The following C1orf167 variants were observed in gnomAD, a reference collection of about 807,000 sequenced individuals.
C1orf167 encodes chromosome 1 open reading frame 167, also known as uncharacterized protein C1orf167.
In C1orf167, 153 loss-of-function variants were observed where a neutral mutation model predicts 176.5. The ratio of observed to expected loss-of-function variants is 0.87; its 90% CI spans 0.76 to 0.99. The LOEUF (loss-of-function observed/expected upper bound fraction) is 0.99. Ranked by LOEUF, C1orf167 falls within the 50% of genes least tolerant of loss-of-function variation. C1orf167 has a pLI of 0.00. For missense variants in C1orf167, 1,490 were observed against 1,817.7 expected (o/e 0.82, Z 3.28); for synonymous variants, 594 against 752.7 (o/e 0.79, Z 3.45).
At chr1:11,765,022 C>G (rs1340217651) in intron 2 of C1orf167, among the ~76,000 whole-genome samples, 1 of 120,932 alleles carries the variant, frequency 8.3e-6, no homozygotes, top group East Asian at 2.7e-4. Context: ...CCACTGTGCT[C>G]TAGCCTGAGC....
chr1:11,766,484 C>A lies in C1orf167; in HGVS notation c.698C>A (p.Ser233Tyr), dbSNP rs972119766. ...VPSQNQTQAP[S>Y]RAAVHQLLAS... ...AGTCAGAACCAGACTCAGGCCCCAT[C>A]CCGTGCTGCCGTCCACCAGCTGCTG... Residue 233 changes from serine (S) to tyrosine (Y), a missense_variant, in exon 3 of 21, where the codon TCC becomes TAC. Transcript: ENST00000688073. This position sits in a 1 kb window ranked among gnomAD's most constrained non-coding sequence, Gnocchi z 4.5. The A allele has an allele frequency of 2.0e-5, 26 of 1,285,014 alleles. No individual in the cohort carries two copies. Among genetic ancestry groups the A allele is most frequent in the Non-Finnish European group, 2.6e-5 (26 of 986,400 alleles). 79.6% of individuals were successfully genotyped at this position (1,285,014 alleles called of 1,614,324 possible).
In C1orf167 at chr1:11,766,590, G is replaced by A; in HGVS notation, c.804G>A (p.Gln268=). 3.9e-6 allele frequency: 5 copies of A among 1,270,218 alleles called. No homozygotes were observed. Among genetic ancestry groups the A allele is most frequent in the Non-Finnish European group, 5.1e-6 (5 of 978,842 alleles). 78.7% of individuals were successfully genotyped at this position (1,270,218 alleles called of 1,614,324 possible). ...AGGAACCCCCCGGTGCTGTGCAGCA[G>A]GACCTCTGGACCGGCGGCGGCCAGC... ...APQEPPGAVQ[Q]DLWTGGGQPF... is the part of the protein sequence containing the mutation. The change falls in exon 3 of 21, where the codon CAG becomes CAA. Residue 268 remains glutamine, a synonymous_variant. Coordinates refer to ENST00000688073, the MANE Select transcript of C1orf167 (RefSeq NM_001010881.2). This position sits in a 1 kb window ranked among gnomAD's most constrained non-coding sequence, Gnocchi z 4.5.
chr1:11,779,785 G>A lies in C1orf167; in HGVS notation c.2652-17G>A, dbSNP rs1323000268. The stretch of plus-strand genomic sequence containing the variant: ...GGGGACAGTGGCCATCCTCAGGGTG[G>A]ACCCTCCCTTTCCCAGCATCTTCCT... On this transcript the variant is annotated splice_polypyrimidine_tract_variant and intron_variant, in intron 12 of 20. Transcript: ENST00000688073. The A allele has an allele frequency of 3.1e-6, 4 of 1,291,312 alleles. No individual in the cohort carries two copies. Among genetic ancestry groups the A allele is most frequent in the Non-Finnish European group, 4.1e-6 (4 of 980,792 alleles). The allele number at this position is 1,291,312 out of a possible 1,614,324, so 80.0% of individuals were successfully genotyped here.
chr1:11,773,650 G>A (rs554522650), intron 8 of C1orf167, among the ~76,000 whole-genome samples: 1 of 152,274 alleles, frequency 6.6e-6, no homozygotes, highest in Admixed American at 6.5e-5. Flanking sequence ...AGAGGTTGCA[G>A]TGAGCCGAGA....
chr1:11,769,543 G>C (rs1322812688), intron 6 of C1orf167, among the ~76,000 whole-genome samples: 1 of 151,774 alleles, frequency 6.6e-6, no homozygotes, highest in Non-Finnish European at 1.5e-5. Flanking sequence ...ACTCCAGCCT[G>C]GGCAACAGGT....
chr1:11,774,601 C>A (rs968973122), intron 8 of C1orf167, among the ~76,000 whole-genome samples: 1 of 151,998 alleles, frequency 6.6e-6, no homozygotes, highest in African/African-American at 2.4e-5. Flanking sequence ...AGGCCTCTGG[C>A]CGGGAGTGTA....
Position 11,785,242 on chromosome 1 carries a change from C to T in C1orf167, c.3520C>T (p.Arg1174Trp), listed in dbSNP as rs548412009. ...GCCGGCTGAGCTCAGGCGCTTCCTGCGGACAGTGCAGCTCAGGGTGCGGCT... is the reference window on the plus strand; with the variant it reads ...GCCGGCTGAGCTCAGGCGCTTCCTGTGGACAGTGCAGCTCAGGGTGCGGCT... Reference protein sequence around the residue: ...LRPAELRRFLRTVQLRVRLGL... With the variant: ...LRPAELRRFLWTVQLRVRLGL... Residue 1174 changes from arginine to tryptophan, a missense_variant, in exon 16 of 21, where the codon CGG (arginine) becomes TGG (tryptophan). Coordinates refer to ENST00000688073, the MANE Select transcript of C1orf167 (RefSeq NM_001010881.2). The T allele has an allele frequency of 7.0e-5, 90 of 1,291,432 alleles. No homozygotes were observed. The African/African-American group carries it at 1.1e-3, about 16-fold the overall frequency. 80.0% of individuals were successfully genotyped at this position (1,291,432 alleles called of 1,614,324 possible).
rs777613971 is a variant in C1orf167, at chr1:11,776,593, C to T, written c.2294C>T (p.Ala765Val). 2.5e-6 allele frequency: 3 copies of T among 1,217,752 alleles called. No homozygotes were observed. The highest frequency in any genetic ancestry group is 1.4e-5 in the South Asian group (1 of 69,258). The allele number at this position is 1,217,752 out of a possible 1,614,324, so 75.4% of individuals were successfully genotyped here. The change falls in exon 10 of 21, where the codon GCG becomes GTG. Residue 765 changes from alanine to valine, a missense_variant. Physicochemically the swap from Ala to Val is moderately conservative, Grantham distance 64 (BLOSUM62 0). Coordinates refer to ENST00000688073, the MANE Select transcript of C1orf167 (RefSeq NM_001010881.2). ...TGCTGGACACTGGCCCTCTGCTGGG[C>T]GCTGCTGCTGTGGAAGATGCGGCTT... The part of the protein sequence containing the change: ...DACWTLALCW[A>V]LLLWKMRLFQ...
At position 11,768,315 on chromosome 1, in the gene C1orf167, C is replaced by T; in HGVS notation, c.1542+40C>T. The T allele has an allele frequency of 1.6e-6, 2 of 1,283,018 alleles. No individual in the cohort carries two copies. The highest frequency in any genetic ancestry group is 2.0e-6 in the Non-Finnish European group (2 of 983,398). 79.5% of individuals were successfully genotyped at this position (1,283,018 alleles called of 1,614,324 possible). On this transcript the variant is annotated intron_variant, in intron 5 of 20. Coordinates refer to ENST00000688073, the MANE Select transcript of C1orf167 (RefSeq NM_001010881.2). The surrounding 1 kb of genome is among the most constrained non-coding windows in gnomAD (Gnocchi z 4.5). ...GGTTGGGCCAGGGGGCCGTGTGAAG[C>T]AGTGGTGTGTCTGGGGAGGAGACTC...
chr1:11,787,280 A>AGAG (rs113394969), intron 16 of C1orf167, 108 bp from the exon 17 acceptor site: 35 of 524,474 alleles, frequency 6.7e-5, no homozygotes, highest in Admixed American at 2.1e-4. Context: ...AATGGGTGGA[A>AGAG]GAGGCCGGGA....
chr1:11,788,515 T>A, intron 19 of C1orf167, 137 bp downstream of exon 19: 1 of 1,103,280 alleles, frequency 9.1e-7, no homozygotes, highest in Non-Finnish European at 1.2e-6. Context: ...TCTGCATTCT[T>A]AATACTCCTC....
intron 16 of C1orf167, chr1:11,786,249 AAC>A (rs1643865786): frequency 6.6e-6 from 1 of 152,194 alleles, no homozygotes; most frequent in Non-Finnish European, 1.5e-5. Flanking sequence ...CACCAAACCA[AAC>A]ACAAAAAATG....
chr1:11,776,761 A>C, intron 10 of C1orf167, 123 bp downstream of exon 10: 2 of 920,474 alleles, frequency 2.2e-6, no homozygotes, highest in Non-Finnish European at 1.4e-6. Flanking sequence ...ACTGCATCCC[A>C]CTCCTCCCCG....
Position 11,764,363 on chromosome 1 carries a change from CTG to C in C1orf167, c.-35_-34del. 7.8e-7 allele frequency: 1 copy of C among 1,275,190 alleles called. No individual in the cohort carries two copies. The highest frequency in any genetic ancestry group is 1.0e-6 in the Non-Finnish European group (1 of 975,882). 79.0% of individuals were successfully genotyped at this position (1,275,190 alleles called of 1,614,324 possible). On this transcript the variant is annotated 5_prime_UTR_variant, in exon 2 of 21. Transcript: ENST00000688073. ...CTGATTAAACAGACCAGGCCACTCA[CTG>C]TGGAGTGGACCAAGGATACTCCTGT... is the stretch of plus-strand genomic sequence containing the variant.
chr1:11,771,489 G>T (rs1643075927), intron 6 of C1orf167, 35 bp from the exon 7 acceptor site: 15 of 1,264,360 alleles, frequency 1.2e-5, no homozygotes, highest in Non-Finnish European at 1.2e-5. Flanking sequence ...TTCCTCCCGG[G>T]TCATCAGCTT....
chr1:11,778,494 G>A (rs1255337104), intron 10 of C1orf167, among the ~76,000 whole-genome samples, 166 bp from the exon 11 acceptor site: 1 of 152,212 alleles, frequency 6.6e-6, no homozygotes, highest in African/African-American at 2.4e-5. Flanking sequence ...GCATGCAGCC[G>A]CTGTGGGGGG....
intron 6 of C1orf167, among the ~76,000 whole-genome samples, 157 bp from the exon 7 acceptor site, chr1:11,771,367 T>A (rs866938567): frequency 3.3e-5 from 5 of 152,070 alleles, no homozygotes; most frequent in African/African-American, 1.2e-4. Flanking sequence ...AGCTTTTAAA[T>A]CCGACATAAA....
At chr1:11,785,080 T>TGG in intron 15 of C1orf167, 68 bp from the exon 16 acceptor site, 1 of 1,185,344 alleles carries the variant, frequency 8.4e-7, no homozygotes, top group Admixed American at 2.8e-5. Flanking sequence ...CGCAGGGCAC[T>TGG]GGGGGGGCTC....
Position 11,785,404 on chromosome 1 carries a change from C to T in C1orf167, c.3567+115C>T, listed in dbSNP as rs1029290814. On this transcript the variant is annotated intron_variant, in intron 16 of 20. Transcript: ENST00000688073. Reference sequence around the variant, plus strand: ...ACAGGTGAAGGGAGCCTAGGCAGGGCGGGAGGTCCAAAAATGACCCTCGGA... The same window carrying T: ...ACAGGTGAAGGGAGCCTAGGCAGGGTGGGAGGTCCAAAAATGACCCTCGGA... The T allele has an allele frequency of 1.5e-5, 16 of 1,090,130 alleles. No homozygotes were observed. The African/African-American group carries it at 2.0e-4, about 14-fold the overall frequency. The allele number at this position is 1,090,130 out of a possible 1,614,324, so 67.5% of individuals were successfully genotyped here. A position where few individuals can be genotyped will look rare whatever the true frequency, so the allele number is the denominator to read the frequency against.
Sources: allele counts gnomAD v4.1 joint callset (sites outside exome capture counted in the v4.1 genomes callset), GRCh38; gene constraint gnomAD v4.1.1; non-coding constraint Gnocchi (gnomAD v3.1); transcripts MANE v1.5; gene names NCBI Gene and HGNC (gene_info 2026-07-23, HGNC 2026-07-21).